Variants in AVL9 observed in about 807,000 individuals in gnomAD.
AVL9 encodes late secretory pathway protein AVL9 homolog.
A neutral mutation model predicts 79.2 loss-of-function variants in AVL9; 49 were observed. The observed-to-expected ratio is 0.62, with a 90% confidence interval of 0.49 to 0.79. AVL9 has a LOEUF of 0.79. AVL9 is among the 30% of genes least tolerant of loss of function. AVL9 has a pLI of 0.00. For synonymous variants in AVL9, 299 were observed against 280.6 expected (o/e 1.07, Z -0.65); for missense variants, 682 against 776.8 (o/e 0.88, Z 1.45).
intron 8 of AVL9, among the ~76,000 whole-genome samples, chr7:32,555,467 C>A (rs937844721): frequency 2.6e-5 from 4 of 152,212 alleles, no homozygotes; most frequent in African/African-American, 4.8e-5. Context: ...GGGTTCCTGA[C>A]CACTCCCTAA....
chr7:32,512,872 C>G (rs1446585913), intron 1 of AVL9, among the ~76,000 whole-genome samples: 1 of 152,040 alleles, frequency 6.6e-6, no homozygotes. Flanking sequence ...AATGAACTCG[C>G]TGATATCACA....
rs1177399891 is a variant in AVL9, at chr7:32,558,874, C to T, written c.680-55C>T. The T allele has an allele frequency of 1.0e-5, 15 of 1,445,280 alleles. No individual in the cohort carries two copies. In the Admixed American group the frequency reaches 1.8e-4, roughly 17 times the overall value. 89.5% of individuals were successfully genotyped at this position (1,445,280 alleles called of 1,614,324 possible). A position where few individuals can be genotyped will look rare whatever the true frequency, so the allele number is the denominator to read the frequency against. ...GGGGAGTCTACTAATATATAGCTCT[C>T]AGGTTCTTCCATATTATTATAAGCC... is the stretch of plus-strand genomic sequence containing the variant. On this transcript the variant is annotated intron_variant, in intron 9 of 15. Transcript: ENST00000318709.
At chr7:32,577,669 CT>C (rs1434288753) in intron 13 of AVL9, among the ~76,000 whole-genome samples, 2 of 152,118 alleles carry the variant, frequency 1.3e-5, no homozygotes, top group Non-Finnish European at 2.9e-5. Context: ...ACATCTGGTG[CT>C]TTTAACTTGA....
rs772337168 is a variant in AVL9 at position 32,506,184 on chromosome 7, TTTTTAA to T, written c.93+10389_93+10394del. 2.0e-3 allele frequency among the ~76,000 whole-genome samples: 311 copies of T among 152,280 alleles called. 1 individual carries two copies. The highest frequency in any genetic ancestry group is 3.6e-3 in the Non-Finnish European group (246 of 68,028). On this transcript the variant is annotated intron_variant, in intron 1 of 15. Transcript: ENST00000318709. ...AATTTTTAATTTAAAATGTTTCGAC[TTTTTAA>T]TTTTAAAAATTTTAAACTTTTTAAA...
intron 10 of AVL9, 67 bp from the exon 11 acceptor site, chr7:32,569,953 A>T: frequency 6.6e-7 from 1 of 1,523,354 alleles, no homozygotes; most frequent in Non-Finnish European, 9.0e-7. Context: ...CTGTTAGCTC[A>T]CTAAGTTTAA....
At chr7:32,564,647 G>A (rs1349950674) in intron 10 of AVL9, among the ~76,000 whole-genome samples, 1 of 152,190 alleles carries the variant, frequency 6.6e-6, no homozygotes, top group Non-Finnish European at 1.5e-5. Flanking sequence ...TGAGGTTGAT[G>A]CCTTTCATGT....
At chr7:32,500,948 C>G (rs1583477842) in intron 1 of AVL9, among the ~76,000 whole-genome samples, 1 of 152,132 alleles carries the variant, frequency 6.6e-6, no homozygotes, top group East Asian at 1.9e-4. Flanking sequence ...GACCTCTGTT[C>G]TGTCCCGTTG....
At chr7:32,541,922 C>T (rs1789228511) in intron 1 of AVL9, among the ~76,000 whole-genome samples, 2 of 151,966 alleles carry the variant, frequency 1.3e-5, no homozygotes, top group South Asian at 4.2e-4. Flanking sequence ...ACCATGTCGG[C>T]CAGGCTGGTC....
chr7:32,540,821 T>C (rs1408024634), intron 1 of AVL9, among the ~76,000 whole-genome samples: 1 of 150,894 alleles, frequency 6.6e-6, no homozygotes, highest in Non-Finnish European at 1.5e-5. Context: ...ATTATATTAA[T>C]TCAAATTGCA....
Position 32,576,185 on chromosome 7 carries a change from T to C in AVL9, c.1688+113T>C, listed in dbSNP as rs146612374. 1.7e-3 allele frequency: 1,211 copies of C among 719,710 alleles called. 14 individuals carry two copies. The highest frequency in any genetic ancestry group is 8.1e-3 in the South Asian group (419 of 51,986). The allele number at this position is 719,710 out of a possible 1,614,324, so 44.6% of individuals were successfully genotyped here. On this transcript the variant is annotated intron_variant, in intron 13 of 15. Transcript: ENST00000318709. ...TTGTGAATATCCTCAAGAATCCCCT[T>C]AAGTAGGTCATAAAAAGGCTCCCAA...
chr7:32,508,334 T>C (rs1787503735), intron 1 of AVL9, among the ~76,000 whole-genome samples: 1 of 152,238 alleles, frequency 6.6e-6, no homozygotes, highest in Admixed American at 6.5e-5. Flanking sequence ...AGATCAGTGT[T>C]GTCTAATAAA....
intron 1 of AVL9, among the ~76,000 whole-genome samples, chr7:32,506,033 G>A (rs2128114493): frequency 6.6e-6 from 1 of 151,976 alleles, no homozygotes; most frequent in African/African-American, 2.4e-5. Context: ...ATCCATGAGG[G>A]TCACCATGCA....
chr7:32,507,496 C>T (rs1457238431), intron 1 of AVL9, among the ~76,000 whole-genome samples: 1 of 152,160 alleles, frequency 6.6e-6, no homozygotes, highest in Non-Finnish European at 1.5e-5. Context: ...GAAATATAAT[C>T]ATATATTATG....
At chr7:32,504,732 G>A (rs1269087819) in intron 1 of AVL9, among the ~76,000 whole-genome samples, 1 of 152,182 alleles carries the variant, frequency 6.6e-6, no homozygotes, top group African/African-American at 2.4e-5. Context: ...TTCCAGGACA[G>A]GCAGAAGTAA....
chr7:32,583,435 C>G (rs772768779), intron 15 of AVL9, among the ~76,000 whole-genome samples: 2 of 152,186 alleles, frequency 1.3e-5, no homozygotes, highest in African/African-American at 4.8e-5. Flanking sequence ...CAGTGGCTCA[C>G]ACCTGTGATC....
At chr7:32,527,257 T>C (rs1277035356) in intron 1 of AVL9, among the ~76,000 whole-genome samples, 5 of 152,152 alleles carry the variant, frequency 3.3e-5, no homozygotes, top group Non-Finnish European at 4.4e-5. Flanking sequence ...AAACAATTAC[T>C]GAAGCTACCC....
chr7:32,540,702 G>C (rs1490351760), intron 1 of AVL9, among the ~76,000 whole-genome samples: 1 of 151,986 alleles, frequency 6.6e-6, no homozygotes, highest in Admixed American at 6.6e-5. Flanking sequence ...ATACGGCCAA[G>C]TTGCCCTCCA....
intron 1 of AVL9, among the ~76,000 whole-genome samples, chr7:32,513,229 G>A (rs1288537081): frequency 2.6e-5 from 4 of 152,134 alleles, no homozygotes; most frequent in African/African-American, 9.7e-5. Flanking sequence ...AGGCACCCCT[G>A]CAACCATCCC....
At chr7:32,540,029 G>T (rs974597083) in intron 1 of AVL9, among the ~76,000 whole-genome samples, 3 of 152,122 alleles carry the variant, frequency 2.0e-5, no homozygotes, top group African/African-American at 4.8e-5. Flanking sequence ...GCCAAGTAAG[G>T]TAACAAATAG....
Sources: allele counts gnomAD v4.1 joint callset (sites outside exome capture counted in the v4.1 genomes callset), GRCh38; gene constraint gnomAD v4.1.1; transcripts MANE v1.5; gene names NCBI Gene and HGNC (gene_info 2026-07-23, HGNC 2026-07-21).